Variants in FREM1 observed in about 807,000 individuals in gnomAD.
FREM1 encodes FRAS1 related extracellular matrix 1.
FREM1 carries 220 observed loss-of-function variants against 210.1 expected under a neutral mutation model. The ratio of observed to expected loss-of-function variants is 1.05; its 90% CI spans 0.94 to 1.17. The LOEUF is 1.17. Among genes scored for constraint, FREM1 ranks in the 50% most tolerant of loss-of-function variants. The probability of loss-of-function intolerance (pLI) is 0.00; values close to 1 mark genes in which losing one functional copy is unlikely to be tolerated. For missense variants in FREM1, 3,454 were observed against 2,675.5 expected, an observed-to-expected ratio of 1.29 and a Z score of -6.42; for synonymous variants, 1,189 against 980.2, an observed-to-expected ratio of 1.21 and a Z score of -3.98.
At chr9:14,789,139 C>A in intron 22 of FREM1, 25 bp from the exon 23 acceptor site, 1 of 1,509,448 alleles carries the variant, frequency 6.6e-7, no homozygotes, top group Non-Finnish European at 9.0e-7. Flanking sequence ...AGTTAGTCAG[C>A]TGCTCATGGT....
intron 2 of FREM1, 44 bp downstream of exon 2, chr9:14,868,700 C>T (rs1305924920): frequency 8.2e-7 from 1 of 1,214,698 alleles, no homozygotes; most frequent in Non-Finnish European, 1.2e-6. Context: ...CATACACTTG[C>T]ATTCATACAC....
At chr9:14,875,923 A>C (rs1271024565) in intron 1 of FREM1, among the ~76,000 whole-genome samples, 1 of 152,086 alleles carries the variant, frequency 6.6e-6, no homozygotes, top group Non-Finnish European at 1.5e-5. Flanking sequence ...GGTCTGCTGG[A>C]GTTTGCTAGA....
chr9:14,812,940 T>C lies in FREM1; in HGVS notation c.2765A>G (p.Asp922Gly), dbSNP rs778181454. The change falls in exon 16 of 37, where the codon GAT (aspartate) becomes GGT (glycine). Residue 922 changes from aspartate (D) to glycine (G), a missense_variant. Coordinates refer to ENST00000380880, the MANE Select transcript of FREM1 (RefSeq NM_001379081.2). Reference sequence around the variant, plus strand: ...AATCACAAACATCAACTTCAAGTTATCGCTGTCCACATCAGTAGCAAAAAT... The same window carrying C: ...AATCACAAACATCAACTTCAAGTTACCGCTGTCCACATCAGTAGCAAAAAT... Reference protein sequence around the residue: ...EYIFATDVDSDNLKLMFVIAR... With the variant: ...EYIFATDVDSGNLKLMFVIAR... 1.2e-6 allele frequency: 2 copies of C among 1,613,954 alleles called. No individual in the cohort carries two copies. Among genetic ancestry groups the C allele is most frequent in the African/African-American group, 1.3e-5 (1 of 75,030 alleles).
chr9:14,866,537 G>A (rs1317873928), intron 2 of FREM1, among the ~76,000 whole-genome samples: 1 of 152,116 alleles, frequency 6.6e-6, no homozygotes, highest in Non-Finnish European at 1.5e-5. Context: ...CTGGTCATCT[G>A]CAGGGCTTTT....
In FREM1 at chr9:14,776,188, A is replaced by G. The variant is rs754508881; in HGVS notation, c.4458T>C (p.Asn1486=). 7.9e-6 allele frequency: 12 copies of G among 1,522,674 alleles called. No individual in the cohort carries two copies. The highest frequency in any genetic ancestry group is 1.1e-5 in the Non-Finnish European group (12 of 1,135,992). The allele number at this position is 1,522,674 out of a possible 1,614,324, so 94.3% of individuals were successfully genotyped here. A position where few individuals can be genotyped will look rare whatever the true frequency, so the allele number is the denominator to read the frequency against. ...SSDRFRFIIS[N]GLRTEHGVFE... ...ACACCCCGTGCTCGGTCCGCAGTCCATTGCTGATGATGAATCTGGTAAAGA... is the reference window on the plus strand; with the variant it reads ...ACACCCCGTGCTCGGTCCGCAGTCCGTTGCTGATGATGAATCTGGTAAAGA... The change falls in exon 25 of 37, where the codon AAT becomes AAC. Residue 1486 remains asparagine, a synonymous_variant. Transcript: ENST00000380880.
intron 1 of FREM1, among the ~76,000 whole-genome samples, chr9:14,898,893 G>A (rs117545036): frequency 6.6e-6 from 1 of 152,204 alleles, no homozygotes; most frequent in Non-Finnish European, 1.5e-5. Flanking sequence ...GGGTTGGGAA[G>A]TGAGAAGGTA....
intron 21 of FREM1, among the ~76,000 whole-genome samples, chr9:14,795,532 T>G (rs971459019): frequency 2.6e-5 from 4 of 151,380 alleles, no homozygotes; most frequent in African/African-American, 9.7e-5. Context: ...AGAAAGAGAG[T>G]GTTATTACTT....
At chr9:14,849,167 G>A (rs1489158273) in intron 6 of FREM1, among the ~76,000 whole-genome samples, 1 of 152,096 alleles carries the variant, frequency 6.6e-6, no homozygotes, top group Non-Finnish European at 1.5e-5. Context: ...GGGAATGTCT[G>A]GAGGCATTTT....
At chr9:14,751,565 TG>T (rs1169747780) in intron 29 of FREM1, 1 of 152,236 alleles carries the variant, frequency 6.6e-6, no homozygotes, top group African/African-American at 2.4e-5. Flanking sequence ...GAGGCTGAGG[TG>T]GGAGGATCGC....
chr9:14,768,836 G>C (rs892980805), intron 27 of FREM1, among the ~76,000 whole-genome samples: 2 of 152,104 alleles, frequency 1.3e-5, no homozygotes, highest in African/African-American at 4.8e-5. Context: ...GTATAACAGA[G>C]CACAGAGCTG....
At chr9:14,879,933 T>G (rs1033516430) in intron 1 of FREM1, among the ~76,000 whole-genome samples, 1 of 152,134 alleles carries the variant, frequency 6.6e-6, no homozygotes, top group African/African-American at 2.4e-5. Context: ...GGGTGCTATG[T>G]CTAGATGTTT....
At chr9:14,874,009 T>G (rs1833217745) in intron 1 of FREM1, among the ~76,000 whole-genome samples, 1 of 152,226 alleles carries the variant, frequency 6.6e-6, no homozygotes, top group Non-Finnish European at 1.5e-5. Context: ...GAGTTCTAGT[T>G]TCATTGCACT....
At chr9:14,754,658 G>A (rs1843968178) in intron 29 of FREM1, among the ~76,000 whole-genome samples, 2 of 152,140 alleles carry the variant, frequency 1.3e-5, no homozygotes. Context: ...ACTTGGCTGG[G>A]CACAGTGACT....
intron 1 of FREM1, among the ~76,000 whole-genome samples, chr9:14,909,079 A>G (rs1231452424): frequency 5.3e-5 from 8 of 152,188 alleles, no homozygotes; most frequent in African/African-American, 1.9e-4. Flanking sequence ...GCAGCACCAC[A>G]GAGGTTAATC....
At chr9:14,759,708 TA>T in intron 28 of FREM1, 63 bp downstream of exon 28, 1 of 1,386,598 alleles carries the variant, frequency 7.2e-7, no homozygotes, top group Non-Finnish European at 9.6e-7. Flanking sequence ...AAAAAAAATA[TA>T]ATGAAAGACA....
chr9:14,789,167 C>T (rs764361021), intron 22 of FREM1, 53 bp from the exon 23 acceptor site: 61 of 1,259,304 alleles, frequency 4.8e-5, no homozygotes, highest in East Asian at 7.9e-5. Flanking sequence ...TTTCCCCCAA[C>T]GTACGTTAGT....
At chr9:14,880,150 AG>A (rs1283374802) in intron 1 of FREM1, among the ~76,000 whole-genome samples, 3 of 152,206 alleles carry the variant, frequency 2.0e-5, no homozygotes, top group African/African-American at 7.2e-5. Flanking sequence ...TCTGCAAACC[AG>A]GAAGAGGTGA....
chr9:14,854,562 T>C (rs1588386839), intron 5 of FREM1, among the ~76,000 whole-genome samples: 1 of 152,052 alleles, frequency 6.6e-6, no homozygotes, highest in Admixed American at 6.6e-5. Flanking sequence ...ATATTTAATA[T>C]TGTTCTTCTC....
chr9:14,808,925 T>C (rs568620221), intron 16 of FREM1, among the ~76,000 whole-genome samples: 2 of 152,296 alleles, frequency 1.3e-5, no homozygotes, highest in Non-Finnish European at 2.9e-5. Flanking sequence ...GTTTTGCACA[T>C]GTGCTGTTGG....
Sources: allele counts gnomAD v4.1 joint callset (sites outside exome capture counted in the v4.1 genomes callset), GRCh38; gene constraint gnomAD v4.1.1; transcripts MANE v1.5; gene names NCBI Gene and HGNC (gene_info 2026-07-23, HGNC 2026-07-21).